VWA2: variants seen among roughly 807,000 people sequenced by gnomAD.
The protein encoded by VWA2 is von Willebrand factor A domain containing 2.
VWA2 carries 73 observed loss-of-function variants against 70.4 expected under a neutral mutation model. That is an observed-to-expected ratio of 1.04 (90% confidence interval 0.86 to 1.26). The LOEUF (loss-of-function observed/expected upper bound fraction) is 1.26. Ranked by LOEUF, VWA2 falls within the 50% of genes most tolerant of loss-of-function variation. VWA2 has a pLI of 0.00. For synonymous variants in VWA2, 407 were observed against 423.3 expected (o/e 0.96, Z 0.47); for missense variants, 1,011 against 998.5 (o/e 1.01, Z -0.17).
chr10:114,285,528 C>T (rs1467823996), intron 10 of VWA2, among the ~76,000 whole-genome samples: 1 of 152,228 alleles, frequency 6.6e-6, no homozygotes, highest in Non-Finnish European at 1.5e-5. Context: ...AATCTTGACC[C>T]TGTACCTCAC....
At chr10:114,250,479 C>T (rs2037172341) in intron 2 of VWA2, among the ~76,000 whole-genome samples, 1 of 152,178 alleles carries the variant, frequency 6.6e-6, no homozygotes, top group South Asian at 2.1e-4. Context: ...TCGTGAGGCT[C>T]GGGGTCCCCT....
intron 5 of VWA2, among the ~76,000 whole-genome samples, chr10:114,267,383 C>T (rs1463648918): frequency 1.3e-5 from 2 of 151,730 alleles, no homozygotes; most frequent in African/African-American, 2.4e-5. Context: ...TCCCAAAGTG[C>T]TGGGATTACA....
intron 5 of VWA2, among the ~76,000 whole-genome samples, chr10:114,267,887 G>T (rs2037608896): frequency 6.6e-6 from 1 of 152,040 alleles, no homozygotes; most frequent in Admixed American, 6.6e-5. Context: ...GGACTGTCAG[G>T]GAATAGGACC....
In VWA2 at chr10:114,261,312, AC is replaced by A. The variant is rs1395504233; in HGVS notation, c.371+18del. 1 of 1,603,610 alleles carries A rather than the reference AC, an allele frequency of 6.2e-7. No homozygotes were observed. Among genetic ancestry groups the A allele is most frequent in the Admixed American group, 1.7e-5 (1 of 60,014 alleles). On this transcript the variant is annotated intron_variant, in intron 5 of 13. Transcript: ENST00000392982. ...GGTTTTCAAGTATGTATGATCAGATACTGCTGTGGTTAGGGTGACGCCAACT... is the reference window on the plus strand; with the variant it reads ...GGTTTTCAAGTATGTATGATCAGATATGCTGTGGTTAGGGTGACGCCAACT...
chr10:114,291,303 G>A lies in VWA2; in HGVS notation c.*66G>A. On this transcript the variant is annotated 3_prime_UTR_variant, in exon 14 of 14. Transcript: ENST00000392982. ...TCCCAGCAACTACAGAGAAGGCCTGGGCACTGAAATGGTGCCTACCTTCTG... is the reference window on the plus strand; with the variant it reads ...TCCCAGCAACTACAGAGAAGGCCTGAGCACTGAAATGGTGCCTACCTTCTG... The A allele has an allele frequency of 6.6e-7, 1 of 1,505,614 alleles. No individual in the cohort carries two copies. The allele number at this position is 1,505,614 out of a possible 1,614,324, so 93.3% of individuals were successfully genotyped here. A position where few individuals can be genotyped will look rare whatever the true frequency, so the allele number is the denominator to read the frequency against.
intron 5 of VWA2, among the ~76,000 whole-genome samples, chr10:114,263,399 C>T (rs544944106): frequency 5.4e-4 from 78 of 143,276 alleles, no homozygotes; most frequent in Middle Eastern, 4.4e-3. Flanking sequence ...TGCAGTGGCA[C>T]GATCTCTGCT....
intron 12 of VWA2, chr10:114,290,018 A>C: frequency 2.4e-6 from 1 of 423,928 alleles, no homozygotes; most frequent in Non-Finnish European, 4.1e-6. Context: ...AAAGTCTGCC[A>C]TGTGTATGGC....
At chr10:114,272,473 G>A (rs541461906) in intron 5 of VWA2, among the ~76,000 whole-genome samples, 4 of 152,256 alleles carry the variant, frequency 2.6e-5, no homozygotes, top group East Asian at 1.9e-4. Context: ...GTCATCACTC[G>A]GGGAGGAGAA....
At chr10:114,266,174 G>A (rs1187588722) in intron 5 of VWA2, among the ~76,000 whole-genome samples, 1 of 152,028 alleles carries the variant, frequency 6.6e-6, no homozygotes, top group East Asian at 1.9e-4. Flanking sequence ...GCGGGCGCCT[G>A]TAGTCCCAGC....
chr10:114,242,924 A>G (rs34456563), intron 1 of VWA2, among the ~76,000 whole-genome samples: 11,130 of 152,246 alleles, frequency 0.073, 535 homozygotes, highest in Middle Eastern at 0.14. Flanking sequence ...TTTATGAAAC[A>G]GATTCTCCCC....
At chr10:114,289,740 T>C (rs1454330526) in intron 12 of VWA2, 5 of 548,778 alleles carry the variant, frequency 9.1e-6, no homozygotes, top group Non-Finnish European at 1.6e-5. Context: ...AATTTATGCA[T>C]TCCCTTTAAA....
At chr10:114,278,962 G>A (rs2037924549) in intron 8 of VWA2, 111 bp downstream of exon 8, 3 of 1,507,322 alleles carry the variant, frequency 2.0e-6, no homozygotes, top group Non-Finnish European at 2.7e-6. Context: ...GACAGGGATC[G>A]AAGGAGACCT....
chr10:114,265,033 T>C (rs1189580122), intron 5 of VWA2, among the ~76,000 whole-genome samples: 2 of 152,230 alleles, frequency 1.3e-5, no homozygotes, highest in Non-Finnish European at 2.9e-5. Context: ...ATTCTACTTT[T>C]TGTGAAGTGT....
Position 114,293,988 on chromosome 10 carries a change from TAA to T in VWA2, c.*2752_*2753del, listed in dbSNP as rs1286178973. On this transcript the variant is annotated 3_prime_UTR_variant, in exon 14 of 14. Transcript: ENST00000392982. ...AAGAATGCTTAATTCCTAGATGAACTAAGAGTGTTTATTACATGTTGAGATTT... is the reference window on the plus strand; with the variant it reads ...AAGAATGCTTAATTCCTAGATGAACTGAGTGTTTATTACATGTTGAGATTT... 2.6e-5 allele frequency among the ~76,000 whole-genome samples: 4 copies of T among 152,234 alleles called. No individual in the cohort carries two copies. Among genetic ancestry groups the T allele is most frequent in the African/African-American group, 7.2e-5 (3 of 41,478 alleles).
chr10:114,261,651 T>C (rs2037447472), intron 5 of VWA2, among the ~76,000 whole-genome samples: 1 of 152,206 alleles, frequency 6.6e-6, no homozygotes, highest in Non-Finnish European at 1.5e-5. Context: ...CCACTGCAGC[T>C]TGGACAGTTC....
At chr10:114,239,906 G>A (rs2036946147) in intron 1 of VWA2, among the ~76,000 whole-genome samples, 2 of 152,178 alleles carry the variant, frequency 1.3e-5, no homozygotes, top group Non-Finnish European at 1.5e-5. Flanking sequence ...CAGGGGTGGA[G>A]GAGGGCATGT....
rs1407119404 is a variant in VWA2, at chr10:114,284,958, G to A, written c.985G>A (p.Glu329Lys). 6.2e-6 allele frequency: 10 copies of A among 1,600,158 alleles called. No homozygotes were observed. The highest frequency in any genetic ancestry group is 8.5e-6 in the Non-Finnish European group (10 of 1,174,388). The stretch of plus-strand genomic sequence containing the variant: ...CCTCTGCCCGCTGGCCTTTGGAGGG[G>A]AGGCTAACTGTGGTAGGTATGCACC... ...QCLCPLAFGG[E>K]ANCALKLSLE... The change falls in exon 10 of 14, where the codon GAG becomes AAG. Residue 329 changes from glutamate (E) to lysine (K), a missense_variant. Transcript: ENST00000392982.
At chr10:114,261,131 A>T in intron 4 of VWA2, 55 bp from the exon 5 acceptor site, 1 of 1,313,582 alleles carries the variant, frequency 7.6e-7, no homozygotes, top group Non-Finnish European at 1.1e-6. Flanking sequence ...CTTTCCTCTT[A>T]GGAATGTTTT....
Position 114,253,678 on chromosome 10 carries a change from TC to T in VWA2, c.82del (p.His28MetfsTer2). The T allele has an allele frequency of 6.2e-7, 1 of 1,612,306 alleles. No homozygotes were observed. Among genetic ancestry groups the T allele is most frequent in the Non-Finnish European group, 8.5e-7 (1 of 1,179,780 alleles). On this transcript the variant is annotated frameshift_variant, in exon 3 of 14. Coordinates refer to ENST00000392982, the MANE Select transcript of VWA2 (RefSeq NM_001272046.2). LOFTEE classifies it high-confidence loss of function. Reference protein sequence around the residue: ...RVPPSLPLQEVHVSKETIGKI... With the variant: ...RVPPSLPLQEXHVSKETIGKI... ...CCCCCATCTCTCCCTCTCCAGGAAG[TC>T]CATGTAAGCAAAGAAACCATCGGGA...
Sources: gnomAD v4.1 joint callset for allele counts (sites outside exome capture counted in the v4.1 genomes callset) on GRCh38, gnomAD v4.1.1 for gene constraint, MANE v1.5 for transcripts, NCBI Gene and HGNC (gene_info 2026-07-23, HGNC 2026-07-21) for gene names.